SEC11C: variants seen among roughly 807,000 people sequenced by gnomAD.
SEC11C encodes the protein signal peptidase complex catalytic subunit SEC11C.
SEC11C carries 10 observed loss-of-function variants against 21.9 expected under a neutral mutation model. The observed-to-expected ratio is 0.46, with a 90% CI of 0.28 to 0.77. The LOEUF (loss-of-function observed/expected upper bound fraction) is 0.77. SEC11C is among the 30% of genes least tolerant of loss of function. The pLI is 0.12. For missense variants in SEC11C, 145 were observed against 244.5 expected, an observed-to-expected ratio of 0.59 and a Z score of 2.71; for synonymous variants, 83 against 85.6, an observed-to-expected ratio of 0.97 and a Z score of 0.17.
chr18:59,143,309 C>T (rs1002281185), intron 1 of SEC11C, among the ~76,000 whole-genome samples: 4 of 143,530 alleles, frequency 2.8e-5, no homozygotes, highest in African/African-American at 5.3e-5. Context: ...GCAGAGATCG[C>T]GCCATTGCAC....
Position 59,146,750 on chromosome 18 carries a change from G to T in SEC11C, c.88-2763G>T, listed in dbSNP as rs1044075641. On this transcript the variant is annotated intron_variant, in intron 1 of 5. Coordinates refer to ENST00000587834, the MANE Select transcript of SEC11C (RefSeq NM_033280.4). The stretch of plus-strand genomic sequence containing the variant: ...GGAGAAGAGAGTGTGAAAGCTGGAG[G>T]AGGATGTGAGGTGGAGGAAGGGTTT... 2.6e-5 allele frequency among the ~76,000 whole-genome samples: 4 copies of T among 152,126 alleles called. No individual in the cohort carries two copies. In the East Asian group the frequency reaches 7.7e-4, roughly 29 times the overall value.
chr18:59,141,809 G>T (rs1311779161), intron 1 of SEC11C, among the ~76,000 whole-genome samples: 1 of 152,124 alleles, frequency 6.6e-6, no homozygotes, highest in East Asian at 1.9e-4. Context: ...GCAACACAAG[G>T]GCTCTTTGTT....
At chr18:59,145,096 G>A (rs1335584862) in intron 1 of SEC11C, among the ~76,000 whole-genome samples, 2 of 152,204 alleles carry the variant, frequency 1.3e-5, no homozygotes, top group African/African-American at 4.8e-5. Flanking sequence ...GTAATTATAT[G>A]CTTAATTATG....
At chr18:59,140,542 G>A (rs2069197887) in intron 1 of SEC11C, among the ~76,000 whole-genome samples, 1 of 152,222 alleles carries the variant, frequency 6.6e-6, no homozygotes, top group Non-Finnish European at 1.5e-5. Flanking sequence ...TTTTTCCCCT[G>A]ACCGTGGGTC....
At chr18:59,147,500 A>T (rs1185241590) in intron 1 of SEC11C, 1 of 152,322 alleles carries the variant, frequency 6.6e-6, no homozygotes. Context: ...GGAAAAGGAA[A>T]CAAGATCAGC....
At chr18:59,144,610 A>G (rs1251259070) in intron 1 of SEC11C, among the ~76,000 whole-genome samples, 1 of 151,988 alleles carries the variant, frequency 6.6e-6, no homozygotes, top group Non-Finnish European at 1.5e-5. Flanking sequence ...CCTGTAGTCC[A>G]GCCACTTGGG....
intron 3 of SEC11C, among the ~76,000 whole-genome samples, chr18:59,154,022 C>A (rs1011076304): frequency 6.6e-6 from 1 of 151,930 alleles, no homozygotes; most frequent in African/African-American, 2.4e-5. Flanking sequence ...ACTGCTTCTT[C>A]ACAGGTGTAC....
At chr18:59,149,306 C>T (rs150977326) in intron 1 of SEC11C, among the ~76,000 whole-genome samples, 1,613 of 152,256 alleles carry the variant, frequency 0.011, 8 homozygotes, top group Middle Eastern at 0.058. Flanking sequence ...TTTTTTTCCT[C>T]CCTTCTCTCT....
chr18:59,155,647 G>A (rs761992807), intron 3 of SEC11C, 41 bp from the exon 4 acceptor site: 2 of 1,598,234 alleles, frequency 1.3e-6, no homozygotes, highest in South Asian at 1.1e-5. Flanking sequence ...ATGATGCTGT[G>A]CTGAAAATAA....
intron 1 of SEC11C, among the ~76,000 whole-genome samples, chr18:59,145,588 G>T (rs1049619487): frequency 3.9e-5 from 6 of 152,140 alleles, no homozygotes; most frequent in Non-Finnish European, 8.8e-5. Flanking sequence ...GGGCTGCAGG[G>T]TTATATCAGA....
intron 1 of SEC11C, among the ~76,000 whole-genome samples, chr18:59,144,364 C>G (rs1052146292): frequency 6.6e-6 from 1 of 152,028 alleles, no homozygotes; most frequent in Admixed American, 6.6e-5. Context: ...AATTTGTATC[C>G]CCATCACAGT....
intron 1 of SEC11C, among the ~76,000 whole-genome samples, chr18:59,143,921 G>A (rs563408617): frequency 9.0e-4 from 134 of 149,250 alleles, no homozygotes; most frequent in African/African-American, 3.1e-3. Flanking sequence ...GTGCAATCTC[G>A]GCTCATTGCA....
rs2069435383 is a variant in SEC11C at position 59,157,812 on chromosome 18, C to G, written c.525+147C>G. On this transcript the variant is annotated intron_variant, in intron 5 of 5. Transcript: ENST00000587834. ...GTAGTTAACTACAAATTAATGTAGT[C>G]ATTTAAAGCAGCAACACTTAAATTA... The G allele has an allele frequency of 8.2e-6, 5 of 613,328 alleles. No homozygotes were observed. In the Admixed American group the frequency reaches 1.5e-4, roughly 18 times the overall value. 38.0% of individuals were successfully genotyped at this position (613,328 alleles called of 1,614,324 possible). A position where few individuals can be genotyped will look rare whatever the true frequency, so the allele number is the denominator to read the frequency against.
chr18:59,144,470 C>T (rs1014225286), intron 1 of SEC11C, among the ~76,000 whole-genome samples: 2 of 152,180 alleles, frequency 1.3e-5, no homozygotes, highest in Non-Finnish European at 1.5e-5. Context: ...TGGTGGCTTA[C>T]GCCTATAGTC....
rs144135616 is a variant in SEC11C, at chr18:59,151,772, G to A, written c.198-764G>A. Among the ~76,000 whole-genome samples, 48 of 152,226 alleles carry A rather than the reference G, an allele frequency of 3.2e-4. No homozygotes were observed. In the East Asian group the frequency reaches 6.7e-3, roughly 21 times the overall value. On this transcript the variant is annotated intron_variant, in intron 2 of 5. Transcript: ENST00000587834. ...ACTCATCCTTGGTTGCACAGCCCCC[G>A]TCAAGCTGTATTTCTAGGTCTTATT...
At position 59,139,994 on chromosome 18, in the gene SEC11C, T is replaced by G. The variant is rs909130914; in HGVS notation, c.46T>G (p.Leu16Val). The G allele has an allele frequency of 6.3e-7, 1 of 1,595,706 alleles. No individual in the cohort carries two copies. Among genetic ancestry groups the G allele is most frequent in the Non-Finnish European group, 8.6e-7 (1 of 1,169,430 alleles). Residue 16 changes from leucine to valine, a missense_variant, in exon 1 of 6, where the codon TTG becomes GTG. Physicochemically the swap from Leu to Val is conservative, Grantham distance 32. Coordinates refer to ENST00000587834, the MANE Select transcript of SEC11C (RefSeq NM_033280.4). Reference sequence around the variant, plus strand: ...GGGGGCTCATCTCCCCGCGTCCGGCTTGGATATCTTCGGGGACCTGAAGAA... The same window carrying G: ...GGGGGCTCATCTCCCCGCGTCCGGCGTGGATATCTTCGGGGACCTGAAGAA... ...AVGAHLPASG[L>V]DIFGDLKKMN...
chr18:59,146,143 G>A (rs1308327856), intron 1 of SEC11C, among the ~76,000 whole-genome samples: 2 of 152,134 alleles, frequency 1.3e-5, no homozygotes, highest in Non-Finnish European at 2.9e-5. Context: ...GATGGGCCCC[G>A]TTGGTGATAT....
chr18:59,146,023 T>C (rs1490694827), intron 1 of SEC11C, among the ~76,000 whole-genome samples: 1 of 152,240 alleles, frequency 6.6e-6, no homozygotes, highest in Non-Finnish European at 1.5e-5. Flanking sequence ...TTTTTCAGAA[T>C]GTGTCTGTCA....
At chr18:59,155,282 T>A (rs1358946550) in intron 3 of SEC11C, among the ~76,000 whole-genome samples, 1 of 152,188 alleles carries the variant, frequency 6.6e-6, no homozygotes, top group African/African-American at 2.4e-5. Context: ...ACAGAGGTGA[T>A]TCACATGATT....
Sources: allele counts gnomAD v4.1 joint callset (sites outside exome capture counted in the v4.1 genomes callset), GRCh38; gene constraint gnomAD v4.1.1; transcripts MANE v1.5; gene names NCBI Gene and HGNC (gene_info 2026-07-23, HGNC 2026-07-21).